SYTL5: variants seen among roughly 807,000 people sequenced by gnomAD.
SYTL5 encodes the protein synaptotagmin-like protein 5.
SYTL5 carries 34 observed loss-of-function variants against 55.9 expected under a neutral mutation model. The observed-to-expected ratio is 0.61, with a 90% CI of 0.46 to 0.81. The LOEUF is 0.81. Ranked by LOEUF, SYTL5 falls within the 30% of genes least tolerant of loss-of-function variation. SYTL5 has a pLI of 0.00. For missense variants in SYTL5, 637 were observed against 546.7 expected, an observed-to-expected ratio of 1.17 and a Z score of -1.65; for synonymous variants, 221 against 188.7, an observed-to-expected ratio of 1.17 and a Z score of -1.40.
chrX:37,939,849 G>A, the SYTL5 span, among the ~76,000 whole-genome samples: 1 of 111,346 alleles, frequency 9.0e-6, no homozygotes, highest in African/African-American at 3.3e-5. Flanking sequence ...GTTTTGTTTT[G>A]AGATAGAGTC....
chrX:38,111,091 T>G (rs1937347668), intron 13 of SYTL5, among the ~76,000 whole-genome samples: 1 of 112,023 alleles, frequency 8.9e-6, no homozygotes, highest in Admixed American at 9.5e-5. Flanking sequence ...GACTGGAGTC[T>G]CTATGCATTT....
the SYTL5 span, among the ~76,000 whole-genome samples, chrX:37,954,335 C>T: frequency 1.1e-3 from 121 of 111,719 alleles, no homozygotes; most frequent in African/African-American, 3.7e-3. Flanking sequence ...AGTTTGTCTT[C>T]TCACCCAGTC....
the SYTL5 span, among the ~76,000 whole-genome samples, chrX:38,000,029 TCA>T: frequency 9.0e-6 from 1 of 111,255 alleles, no homozygotes; most frequent in African/African-American, 3.3e-5. Flanking sequence ...AGGAAAGCAC[TCA>T]CAACAACTTG....
At chrX:38,020,856 C>A (rs191295211) in intron 1 of SYTL5, among the ~76,000 whole-genome samples, 202 of 111,605 alleles carry the variant, frequency 1.8e-3, no homozygotes, top group Middle Eastern at 0.014. Context: ...ATATATTCTT[C>A]AAACCCAGGA....
chrX:38,019,993 C>T (rs1192905174), intron 1 of SYTL5, among the ~76,000 whole-genome samples: 1 of 111,649 alleles, frequency 9.0e-6, no homozygotes, highest in Admixed American at 9.5e-5. Context: ...TTTATATGCT[C>T]TATAACTCAT....
the SYTL5 span, among the ~76,000 whole-genome samples, chrX:37,899,368 C>T: frequency 2.7e-5 from 3 of 111,127 alleles, no homozygotes; most frequent in Non-Finnish European, 3.8e-5. Context: ...CTACCATGCC[C>T]AGCCTACATA....
the SYTL5 span, among the ~76,000 whole-genome samples, chrX:37,979,541 T>G: frequency 1.0e-5 from 1 of 98,031 alleles, no homozygotes; most frequent in African/African-American, 3.8e-5. Flanking sequence ...CTAGATAGAC[T>G]ATCTTTCTGA....
Position 38,126,540 on chromosome X carries a change from C to A in SYTL5, c.2051-48C>A, listed in dbSNP as rs774294082. 6 of 1,195,183 alleles carry A rather than the reference C, an allele frequency of 5.0e-6. No homozygotes were observed. In the South Asian group the frequency reaches 5.5e-5, roughly 11 times the overall value. ...AGTTGATAGATACCTTGCAGGAGAG[C>A]AAAGCATTTCATGTGTGACATAAAA... On this transcript the variant is annotated intron_variant, in intron 16 of 16. Coordinates refer to ENST00000297875, the MANE Select transcript of SYTL5 (RefSeq NM_138780.3).
chrX:37,992,817 G>A, the SYTL5 span, among the ~76,000 whole-genome samples: 4 of 111,618 alleles, frequency 3.6e-5, no homozygotes, highest in Non-Finnish European at 5.6e-5. Flanking sequence ...CTTTATAATC[G>A]AACACGTCAA....
chrX:38,114,054 C>T (rs1194670275), intron 13 of SYTL5, among the ~76,000 whole-genome samples: 3 of 111,333 alleles, frequency 2.7e-5, no homozygotes. Flanking sequence ...GGTCCCCCTT[C>T]CCCAGTACCC....
At chrX:38,052,205 A>T (rs2147291997) in intron 2 of SYTL5, among the ~76,000 whole-genome samples, 1 of 111,728 alleles carries the variant, frequency 9.0e-6, no homozygotes. Flanking sequence ...GGGTATATCC[A>T]TTTCCTGTGG....
At position 38,051,819 on chromosome X, in the gene SYTL5, T is replaced by G. The variant is rs898135736; in HGVS notation, c.120-2394T>G. Among the ~76,000 whole-genome samples, 6 of 111,350 alleles carry G rather than the reference T, an allele frequency of 5.4e-5. No homozygotes were observed. The East Asian group carries it at 1.1e-3, about 21-fold the overall frequency. Reference sequence around the variant, plus strand: ...AGGCTGTGATATCTTCTCACTCTGTTTAATCCACATGAATGTTCAAAGAGC... The same window carrying G: ...AGGCTGTGATATCTTCTCACTCTGTGTAATCCACATGAATGTTCAAAGAGC... On this transcript the variant is annotated intron_variant, in intron 2 of 16. Coordinates refer to ENST00000297875, the MANE Select transcript of SYTL5 (RefSeq NM_138780.3).
the SYTL5 span, among the ~76,000 whole-genome samples, chrX:37,905,791 C>A: frequency 8.8e-6 from 1 of 113,013 alleles, no homozygotes; most frequent in Non-Finnish European, 1.9e-5. Flanking sequence ...GGGAGATCCA[C>A]GAAGGAGGCT....
chrX:38,001,862 AAT>A (rs750140136), upstream of SYTL5, among the ~76,000 whole-genome samples: 12 of 110,662 alleles, frequency 1.1e-4, no homozygotes, highest in African/African-American at 3.9e-4. Context: ...AGTTTTTTTA[AAT>A]ATATATATTT....
upstream of SYTL5, among the ~76,000 whole-genome samples, chrX:38,004,902 C>T (rs1933953108): frequency 9.0e-6 from 1 of 111,076 alleles, no homozygotes; most frequent in Non-Finnish European, 1.9e-5. Context: ...TTTAATTGTG[C>T]ATTTTAAAAT....
the SYTL5 span, among the ~76,000 whole-genome samples, chrX:37,995,649 C>T: frequency 8.9e-6 from 1 of 112,047 alleles, no homozygotes; most frequent in African/African-American, 3.2e-5. Flanking sequence ...GTGACAACAG[C>T]GCCCTCTCCA....
At chrX:38,047,662 C>T (rs955874471) in intron 2 of SYTL5, among the ~76,000 whole-genome samples, 4 of 112,736 alleles carry the variant, frequency 3.5e-5, no homozygotes, top group Non-Finnish European at 7.5e-5. Flanking sequence ...ATTTATGCAG[C>T]CGGCATGAAT....
chrX:37,938,193 G>T, the SYTL5 span, among the ~76,000 whole-genome samples: 2 of 112,146 alleles, frequency 1.8e-5, no homozygotes, highest in Non-Finnish European at 3.8e-5. Flanking sequence ...TTCAGAAAAT[G>T]AATAGAGAAA....
chrX:37,966,589 C>G, the SYTL5 span, among the ~76,000 whole-genome samples: 11 of 108,981 alleles, frequency 1.0e-4, no homozygotes, highest in East Asian at 3.2e-3. Context: ...AGATGCACGC[C>G]ACCACGTCTG....
Sources: gnomAD v4.1 joint callset for allele counts (sites outside exome capture counted in the v4.1 genomes callset) on GRCh38, gnomAD v4.1.1 for gene constraint, MANE v1.5 for transcripts, NCBI Gene and HGNC (gene_info 2026-07-23, HGNC 2026-07-21) for gene names.